The following RGL3 variants were observed in gnomAD, a reference collection of about 807,000 sequenced individuals.
RGL3 encodes ral guanine nucleotide dissociation stimulator-like 3.
Under a neutral mutation model 90.6 loss-of-function variants are expected in RGL3, and 85 were observed. The observed-to-expected ratio is 0.94, with a 90% CI of 0.79 to 1.12. RGL3 has a LOEUF of 1.12. Among genes scored for constraint, RGL3 ranks in the 50% most tolerant of loss-of-function variants. The pLI is 0.00. For synonymous variants in RGL3, 408 were observed against 385.5 expected (o/e 1.06, Z -0.68); for missense variants, 1,034 against 939.2 (o/e 1.10, Z -1.32).
In RGL3 at chr19:11,405,357, A is replaced by T; in HGVS notation, c.1066T>A (p.Tyr356Asn). The change falls in exon 8 of 19, where the codon TAC (tyrosine) becomes AAC (asparagine). Residue 356 changes from tyrosine to asparagine, a missense_variant. Transcript: ENST00000380456. The part of the protein sequence containing the change: ...ILSALQSNPI[Y>N]RLKRSWGAVS... ...GCCCCCCAGCTGCGCTTGAGCCGGT[A>T]GATGGGGTTAGATTGCAGGGCGGAC... 1 of 1,612,714 alleles carries T rather than the reference A, an allele frequency of 6.2e-7. No homozygotes were observed. Among genetic ancestry groups the T allele is most frequent in the Non-Finnish European group, 8.5e-7 (1 of 1,179,512 alleles).
chr19:11,411,027 G>A (rs943437312), intron 5 of RGL3, among the ~76,000 whole-genome samples: 1 of 151,762 alleles, frequency 6.6e-6, no homozygotes, highest in African/African-American at 2.4e-5. Flanking sequence ...TGGCCAACAT[G>A]GTGAAACCCC....
rs930247064 is a variant in RGL3, at chr19:11,416,134, A to C, written c.440T>G (p.Val147Gly). 7.0e-6 allele frequency: 11 copies of C among 1,577,118 alleles called. No individual in the cohort carries two copies. The highest frequency in any genetic ancestry group is 9.5e-6 in the Non-Finnish European group (11 of 1,163,340). ...GTGGTCCTGCAGCCAGGAGCCCAGC[A>C]CTGACACCACAGCCCTGGCCAGAGA... is the stretch of plus-strand genomic sequence containing the variant. The part of the protein sequence containing the change: ...FNKNLRAVVS[V>G]LGSWLQDHPQ... Residue 147 changes from valine (V) to glycine (G), a missense_variant, in exon 5 of 19, where the codon GTG becomes GGG. By Grantham distance (109) the Val-to-Gly change is moderately radical. Coordinates refer to ENST00000380456, the MANE Select transcript of RGL3 (RefSeq NM_001035223.4).
intron 4 of RGL3, 77 bp from the exon 5 acceptor site, chr19:11,416,225 T>C: frequency 8.8e-7 from 1 of 1,139,148 alleles, no homozygotes; most frequent in Non-Finnish European, 1.2e-6. Flanking sequence ...CCTTTTTTTT[T>C]TTTTTTTTTT....
chr19:11,414,359 TTATATATACCTTTA>T (rs1968940326), intron 5 of RGL3, among the ~76,000 whole-genome samples: 1 of 105,958 alleles, frequency 9.4e-6, no homozygotes, highest in East Asian at 2.8e-4. Flanking sequence ...ATATATACCT[TTATATATACCTTTA>T]TATATATATA....
At chr19:11,395,071 C>A (rs1216900140) in intron 18 of RGL3, among the ~76,000 whole-genome samples, 3 of 149,080 alleles carry the variant, frequency 2.0e-5, no homozygotes, top group East Asian at 4.1e-4. Flanking sequence ...CCAGCCTGGG[C>A]AACAGCACGA....
In RGL3 at chr19:11,405,230, C is replaced by T; in HGVS notation, c.1102G>A (p.Glu368Lys). ...AGTTTCCTGAAAGTAGATAGCGGTT[C>T]CCTGGAAGGACAGGAGAAGGGTGGT... is the stretch of plus-strand genomic sequence containing the variant. ...LKRSWGAVSR[E>K]PLSTFRKLSQ... Residue 368 changes from glutamate (E) to lysine (K), a missense_variant and splice_region_variant, in exon 9 of 19, where the codon GAA (glutamate) becomes AAA (lysine). By Grantham distance (56) the Glu-to-Lys change is moderately conservative. Coordinates refer to ENST00000380456, the MANE Select transcript of RGL3 (RefSeq NM_001035223.4). The T allele has an allele frequency of 6.2e-7, 1 of 1,614,020 alleles. No individual in the cohort carries two copies. Among genetic ancestry groups the T allele is most frequent in the Non-Finnish European group, 8.5e-7 (1 of 1,179,954 alleles).
intron 7 of RGL3, 66 bp from the exon 8 acceptor site, chr19:11,405,492 ATCTTTTTTTTTTTTTTTTTTTT>A (rs1968761108): frequency 3.0e-5 from 4 of 132,448 alleles, no homozygotes; most frequent in Non-Finnish European, 5.9e-5. Context: ...AAACTTCTTC[ATCTTTTTTTTTTTTTTTTTTTT>A]TTTTTTTTTT....
At chr19:11,406,334 C>T in intron 7 of RGL3, 85 bp downstream of exon 7, 1 of 1,308,804 alleles carries the variant, frequency 7.6e-7, no homozygotes, top group South Asian at 1.4e-5. Flanking sequence ...CGCCTAGACT[C>T]GCCCCTATCT....
In RGL3 at chr19:11,402,078, T is replaced by C. The variant is rs750010196; in HGVS notation, c.1417A>G (p.Thr473Ala). 4.9e-5 allele frequency: 78 copies of C among 1,588,880 alleles called. No individual in the cohort carries two copies. Among genetic ancestry groups the C allele is most frequent in the Non-Finnish European group, 6.6e-5 (77 of 1,167,876 alleles). Residue 473 changes from threonine to alanine, a missense_variant, in exon 13 of 19, where the codon ACC becomes GCC. Transcript: ENST00000380456. ...QQLQRRCQSY[T>A]LSPHPPILAA... ...AGGATGGGCGGGTGGGGGCTCAGGG[T>C]GTAGCTCTGACAGCGCCTCTGCAGC...
At chr19:11,414,184 TA>T (rs1320574001) in intron 5 of RGL3, among the ~76,000 whole-genome samples, 16 of 103,444 alleles carry the variant, frequency 1.5e-4, no homozygotes, top group African/African-American at 5.6e-4. Context: ...TATACACCTA[TA>T]TATATATACC....
At chr19:11,412,419 T>C (rs576474419) in intron 5 of RGL3, among the ~76,000 whole-genome samples, 1 of 152,192 alleles carries the variant, frequency 6.6e-6, no homozygotes, top group African/African-American at 2.4e-5. Flanking sequence ...TCGTTGATGA[T>C]AGGTGATGGA....
intron 5 of RGL3, among the ~76,000 whole-genome samples, chr19:11,412,077 C>T (rs1968884192): frequency 6.6e-6 from 1 of 152,040 alleles, no homozygotes; most frequent in South Asian, 2.1e-4. Context: ...GTCAGGAGTT[C>T]GAGACCAGCC....
intron 16 of RGL3, among the ~76,000 whole-genome samples, chr19:11,399,340 G>A (rs1011449702): frequency 2.0e-5 from 3 of 152,130 alleles, no homozygotes; most frequent in African/African-American, 7.2e-5. Flanking sequence ...GCCGAGGTGA[G>A]TGCATTGTTT....
At chr19:11,414,896 G>T (rs1399120693) in intron 5 of RGL3, among the ~76,000 whole-genome samples, 1 of 151,882 alleles carries the variant, frequency 6.6e-6, no homozygotes, top group Non-Finnish European at 1.5e-5. Flanking sequence ...CAGCATTTTG[G>T]GAGGCCAAGG....
In RGL3 at chr19:11,400,023, C is replaced by G; in HGVS notation, c.1649+17G>C. On this transcript the variant is annotated intron_variant, in intron 15 of 18. Coordinates refer to ENST00000380456, the MANE Select transcript of RGL3 (RefSeq NM_001035223.4). ...GATCCCATGATCCCCAGTCCCATCA[C>G]CAAGCAGAATGCTCACCTGGAGGTG... is the stretch of plus-strand genomic sequence containing the variant. 1 of 1,603,046 alleles carries G rather than the reference C, an allele frequency of 6.2e-7. No homozygotes were observed. Among genetic ancestry groups the G allele is most frequent in the Non-Finnish European group, 8.5e-7 (1 of 1,176,512 alleles).
chr19:11,405,416 T>C lies in RGL3; in HGVS notation c.1007A>G (p.Glu336Gly). The change falls in exon 8 of 19, where the codon GAA becomes GGA. Residue 336 changes from glutamate to glycine, a missense_variant. Transcript: ENST00000380456. ...KWIRIAQRCR[E>G]LRNFSSLRAI... ...GCGCAAGGAGGAGAAGTTCCGCAGT[T>C]CTCGGCAGCGCTGCCAGGCGGTGGG... 6.9e-6 allele frequency: 11 copies of C among 1,584,012 alleles called. No individual in the cohort carries two copies. The highest frequency in any genetic ancestry group is 9.4e-6 in the Non-Finnish European group (11 of 1,165,850).
At chr19:11,410,145 T>TTTTTA (rs950757370) in intron 5 of RGL3, among the ~76,000 whole-genome samples, 16 of 149,718 alleles carry the variant, frequency 1.1e-4, no homozygotes, top group African/African-American at 3.7e-4. Flanking sequence ...ATTTATTTAT[T>TTTTTA]TTTTATTTTA....
In RGL3 at chr19:11,405,304, A is replaced by G; in HGVS notation, c.1100+19T>C. The G allele has an allele frequency of 6.2e-7, 1 of 1,611,972 alleles. No homozygotes were observed. The highest frequency in any genetic ancestry group is 8.5e-7 in the Non-Finnish European group (1 of 1,178,260). On this transcript the variant is annotated intron_variant, in intron 8 of 18. Coordinates refer to ENST00000380456, the MANE Select transcript of RGL3 (RefSeq NM_001035223.4). ...TCAGACCTGGGATGGGCTGGGGAAC[A>G]GGTCCCGCCCCAGCTCACCGGCTCA...
chr19:11,417,653 G>A (rs1053356713), intron 2 of RGL3, among the ~76,000 whole-genome samples: 5 of 151,562 alleles, frequency 3.3e-5, no homozygotes, highest in Non-Finnish European at 4.4e-5. Flanking sequence ...CGTATTTTTA[G>A]TAGAGACGGT....
Sources: allele counts gnomAD v4.1 joint callset (sites outside exome capture counted in the v4.1 genomes callset), GRCh38; gene constraint gnomAD v4.1.1; transcripts MANE v1.5; gene names NCBI Gene and HGNC (gene_info 2026-07-23, HGNC 2026-07-21).